Variants in LRRC4C observed in about 807,000 individuals in gnomAD.
LRRC4C encodes leucine-rich repeat-containing protein 4C.
Under a neutral mutation model 33.6 loss-of-function variants are expected in LRRC4C, and 5 were observed. That is an observed-to-expected ratio of 0.15 (90% CI 0.08 to 0.31). LRRC4C has a LOEUF of 0.31. Ranked by LOEUF, LRRC4C falls within the 10% of genes least tolerant of loss-of-function variation. The probability of loss-of-function intolerance (pLI) is 1.00; values close to 1 mark genes in which losing one functional copy is unlikely to be tolerated. For synonymous variants in LRRC4C, 329 were observed against 302.0 expected (o/e 1.09, Z -0.93); for missense variants, 560 against 796.7 (o/e 0.70, Z 3.58).
At chr11:40,952,892 ACACACTCTCT>A (rs1287000685) in intron 1 of LRRC4C, among the ~76,000 whole-genome samples, 117 of 49,674 alleles carry the variant, frequency 2.4e-3, no homozygotes, top group African/African-American at 4.7e-3. Context: ...ACACACACAC[ACACACTCTCT>A]CTCTCTCTCT....
At chr11:40,537,613 G>T (rs542810623) in intron 3 of LRRC4C, among the ~76,000 whole-genome samples, 1 of 152,166 alleles carries the variant, frequency 6.6e-6, no homozygotes, top group African/African-American at 2.4e-5. Flanking sequence ...CTATATAAAG[G>T]AAGTTTGGCC....
At chr11:40,981,341 G>A (rs1209520817) in intron 1 of LRRC4C, among the ~76,000 whole-genome samples, 1 of 151,958 alleles carries the variant, frequency 6.6e-6, no homozygotes, top group South Asian at 2.1e-4. Flanking sequence ...TTGAGCCCGG[G>A]AGGCGGAGCT....
chr11:41,081,962 C>T (rs528955990), intron 1 of LRRC4C, among the ~76,000 whole-genome samples: 22 of 152,126 alleles, frequency 1.4e-4, no homozygotes, highest in Non-Finnish European at 2.2e-4. Flanking sequence ...TGGGCAGCTG[C>T]TTCATCAGTG....
intron 1 of LRRC4C, among the ~76,000 whole-genome samples, chr11:41,145,429 C>A (rs143665163): frequency 7.6e-6 from 1 of 132,402 alleles, no homozygotes; most frequent in Non-Finnish European, 1.7e-5. Context: ...GCAAACTACA[C>A]GCTATGGTCA....
At chr11:41,291,468 T>C (rs537939742) in intron 1 of LRRC4C, among the ~76,000 whole-genome samples, 2 of 152,292 alleles carry the variant, frequency 1.3e-5, no homozygotes, top group Admixed American at 6.5e-5. Context: ...TCTCTATATA[T>C]AACATGAATT....
At chr11:41,077,801 T>C (rs1939266615) in intron 1 of LRRC4C, among the ~76,000 whole-genome samples, 1 of 152,220 alleles carries the variant, frequency 6.6e-6, no homozygotes, top group Admixed American at 6.5e-5. Flanking sequence ...TTATTCCACA[T>C]GGTCACACCG....
intron 1 of LRRC4C, among the ~76,000 whole-genome samples, chr11:41,371,910 C>T (rs1003537483): frequency 2.5e-4 from 38 of 152,174 alleles, no homozygotes; most frequent in Middle Eastern, 3.2e-3. Context: ...CCAAGGGAGG[C>T]GGATCAGGAG....
At chr11:41,218,883 TCAGCCTC>T (rs945068935) in intron 1 of LRRC4C, among the ~76,000 whole-genome samples, 18 of 147,986 alleles carry the variant, frequency 1.2e-4, no homozygotes, top group South Asian at 4.4e-4. Context: ...TTCTCCTGCC[TCAGCCTC>T]CAGAGTAGCT....
intron 1 of LRRC4C, among the ~76,000 whole-genome samples, chr11:41,350,705 A>G (rs1394387781): frequency 6.6e-6 from 1 of 152,154 alleles, no homozygotes; most frequent in Non-Finnish European, 1.5e-5. Flanking sequence ...AGATTCAGGG[A>G]AAAGTTGAAA....
At chr11:41,063,421 T>C (rs1937949599) in intron 1 of LRRC4C, among the ~76,000 whole-genome samples, 1 of 152,194 alleles carries the variant, frequency 6.6e-6, no homozygotes, top group African/African-American at 2.4e-5. Context: ...ATTTAGTTAC[T>C]AAGGGCTAAG....
intron 2 of LRRC4C, among the ~76,000 whole-genome samples, chr11:40,800,291 T>A (rs1281974740): frequency 6.6e-6 from 1 of 152,180 alleles, no homozygotes; most frequent in Non-Finnish European, 1.5e-5. Flanking sequence ...ATGACTATTT[T>A]GTTTCCCTGT....
intron 1 of LRRC4C, among the ~76,000 whole-genome samples, chr11:41,451,428 T>A (rs569841578): frequency 1.4e-4 from 21 of 151,984 alleles, no homozygotes; most frequent in Non-Finnish European, 3.1e-4. Context: ...GACAAATTAG[T>A]CTTGGAGAAA....
At chr11:40,285,031 A>T (rs1943740118) in intron 4 of LRRC4C, among the ~76,000 whole-genome samples, 1 of 152,166 alleles carries the variant, frequency 6.6e-6, no homozygotes, top group Admixed American at 6.5e-5. Flanking sequence ...GCACTACTGT[A>T]ATTTAATAAA....
At chr11:40,520,700 A>G (rs1333980351) in intron 3 of LRRC4C, among the ~76,000 whole-genome samples, 1 of 152,210 alleles carries the variant, frequency 6.6e-6, no homozygotes, top group African/African-American at 2.4e-5. Flanking sequence ...AGTGAAGTGA[A>G]CATACACTGT....
At chr11:40,896,511 A>G (rs1480033300) in intron 2 of LRRC4C, among the ~76,000 whole-genome samples, 2 of 150,840 alleles carry the variant, frequency 1.3e-5, no homozygotes, top group Non-Finnish European at 1.5e-5. Context: ...GTAACAAATG[A>G]TAGAAATTTG....
At chr11:40,519,631 A>G (rs975800328) in intron 3 of LRRC4C, among the ~76,000 whole-genome samples, 1 of 152,138 alleles carries the variant, frequency 6.6e-6, no homozygotes, top group Non-Finnish European at 1.5e-5. Context: ...CTGTCTTCAT[A>G]TTAGCAATAG....
At chr11:40,944,287 A>G (rs1222797251) in intron 1 of LRRC4C, among the ~76,000 whole-genome samples, 2 of 152,170 alleles carry the variant, frequency 1.3e-5, no homozygotes, top group Non-Finnish European at 2.9e-5. Context: ...ACATATCTTG[A>G]GGATACGATA....
chr11:41,199,720 G>A lies in LRRC4C; in HGVS notation c.-496+259711C>T, dbSNP rs142919849. Among the ~76,000 whole-genome samples the A allele has an allele frequency of 3.5e-3, 534 of 152,104 alleles. 2 individuals carry two copies. The highest frequency in any genetic ancestry group is 0.012 in the African/African-American group (502 of 41,510). ...CTTATGAAACTCCAGCCATGCCAGCGTTTCTGTGATTGCTAGAAGACACCA... is the reference window on the plus strand; with the variant it reads ...CTTATGAAACTCCAGCCATGCCAGCATTTCTGTGATTGCTAGAAGACACCA... On this transcript the variant is annotated intron_variant, in intron 1 of 6. Transcript: ENST00000528697.
chr11:40,760,953 C>T (rs1949186330), intron 2 of LRRC4C, among the ~76,000 whole-genome samples: 1 of 150,038 alleles, frequency 6.7e-6, no homozygotes, highest in African/African-American at 2.4e-5. Flanking sequence ...CTCCTGACCC[C>T]AAGCAATCCA....
Sources: allele counts gnomAD v4.1 joint callset (sites outside exome capture counted in the v4.1 genomes callset), GRCh38; gene constraint gnomAD v4.1.1; transcripts MANE v1.5; gene names NCBI Gene and HGNC (gene_info 2026-07-23, HGNC 2026-07-21).